DST: variants seen among roughly 807,000 people sequenced by gnomAD.
DST encodes bullous pemphigoid antigen.
Under a neutral mutation model 875.2 loss-of-function variants are expected in DST, and 253 were observed. The ratio of observed to expected loss-of-function variants is 0.29; its 90% CI spans 0.26 to 0.32. The LOEUF (loss-of-function observed/expected upper bound fraction) is 0.32, where lower values mean the gene tolerates loss of function less well. DST is among the 10% of genes least tolerant of loss of function. The pLI is 1.00. For missense variants in DST, 8,287 were observed against 9,111.6 expected, an observed-to-expected ratio of 0.91 and a Z score of 3.68; for synonymous variants, 3,124 against 3,197.1, an observed-to-expected ratio of 0.98 and a Z score of 0.77.
chr6:56,613,858 A>C (rs182109188), intron 37 of DST, among the ~76,000 whole-genome samples: 40 of 152,336 alleles, frequency 2.6e-4, no homozygotes, highest in Non-Finnish European at 4.9e-4. Context: ...GACTGTAGAC[A>C]CTTCCTTATG....
In DST at chr6:56,494,153, C is replaced by T. The variant is rs538940997; in HGVS notation, c.20251G>A (p.Glu6751Lys). 1.1e-5 allele frequency: 17 copies of T among 1,605,964 alleles called. No homozygotes were observed. In the African/African-American group the frequency reaches 1.6e-4, roughly 15 times the overall value. Residue 6751 changes from glutamate (E) to lysine (K), a missense_variant, in exon 83 of 104, where the codon GAA becomes AAA. This residue lies in a region of DST where 1,292 missense variants were observed against 1,552.7 expected (regional missense o/e 0.83). Coordinates refer to ENST00000680361, the MANE Select transcript of DST (RefSeq NM_001374736.1). ...TGCATCAGACTCTTATATGTTTCTT[C>T]TTTAGCTTCAAAGGCAGCACAGACT... ...MEVCAAFEAK[E>K]ETYKSLMQKG...
At position 56,640,448 on chromosome 6, in the gene DST, G is replaced by C; in HGVS notation, c.2185C>G (p.Leu729Val). Reference protein sequence around the residue: ...SGFAQTLHPSLTSGLTQSLTP... With the variant: ...SGFAQTLHPSVTSGLTQSLTP... The stretch of plus-strand genomic sequence containing the variant: ...AAACTCTGGGTCAGCCCTGAGGTCA[G>C]ACTAGGGTGTAAGGTCTGTGCAAAT... The change falls in exon 18 of 104, where the codon CTG becomes GTG. Residue 729 changes from leucine (L) to valine (V), a missense_variant. Physicochemically the swap from Leu to Val is conservative, Grantham distance 32 (BLOSUM62 1). Coordinates refer to ENST00000680361, the MANE Select transcript of DST (RefSeq NM_001374736.1). 2 of 1,614,210 alleles carry C rather than the reference G, an allele frequency of 1.2e-6. No homozygotes were observed. The highest frequency in any genetic ancestry group is 1.1e-5 in the South Asian group (1 of 91,090).
intron 2 of DST, among the ~76,000 whole-genome samples, chr6:56,922,990 A>G (rs1419979398): frequency 2.4e-4 from 37 of 152,190 alleles, no homozygotes; most frequent in Non-Finnish European, 2.9e-5. Flanking sequence ...ACAAAACTTG[A>G]TAAACTCAAG....
intron 4 of DST, among the ~76,000 whole-genome samples, chr6:56,832,721 TCTA>T (rs780371964): frequency 9.9e-5 from 15 of 152,152 alleles, no homozygotes; most frequent in Non-Finnish European, 1.9e-4. Context: ...CCGCTTTTTA[TCTA>T]CTAAGTATTT....
At chr6:56,857,481 T>C (rs1768527805) in intron 3 of DST, among the ~76,000 whole-genome samples, 1 of 152,190 alleles carries the variant, frequency 6.6e-6, no homozygotes, top group South Asian at 2.1e-4. Context: ...AGCAGTGGCC[T>C]GTGTAAAGAA....
rs2094254606 is a variant in DST at position 56,460,124 on chromosome 6, C to T, written c.23194+7G>A. The T allele has an allele frequency of 1.2e-6, 2 of 1,606,986 alleles. No homozygotes were observed. Among genetic ancestry groups the T allele is most frequent in the Non-Finnish European group, 1.7e-6 (2 of 1,175,048 alleles). ...AGCCATTGAAAAAAGAAAGGCACCA[C>T]ACTCACCAGCAAACTGTGTTCGGAC... is the stretch of plus-strand genomic sequence containing the variant. On this transcript the variant is annotated splice_region_variant and intron_variant, in intron 103 of 103. Coordinates refer to ENST00000680361, the MANE Select transcript of DST (RefSeq NM_001374736.1).
chr6:56,692,661 G>T (rs1362918624), intron 9 of DST: 2 of 1,289,624 alleles, frequency 1.6e-6, no homozygotes. Context: ...CGCTTGTGTT[G>T]ACATCATCTA....
chr6:56,539,437 A>T (rs928132874), intron 61 of DST, among the ~76,000 whole-genome samples: 5 of 152,204 alleles, frequency 3.3e-5, no homozygotes, highest in African/African-American at 1.2e-4. Flanking sequence ...TATTTCACAG[A>T]CTGAGAAGAG....
At chr6:56,553,977 C>T (rs2097361058) in intron 60 of DST, among the ~76,000 whole-genome samples, 1 of 150,744 alleles carries the variant, frequency 6.6e-6, no homozygotes, top group African/African-American at 2.4e-5. Context: ...CTGGTGTCTT[C>T]TCTATTCCAG....
intron 4 of DST, among the ~76,000 whole-genome samples, chr6:56,738,177 A>C (rs751292713): frequency 2.0e-5 from 3 of 152,222 alleles, no homozygotes; most frequent in Non-Finnish European, 4.4e-5. Flanking sequence ...TATACAGCCC[A>C]TCTTTTGATT....
At chr6:56,703,905 G>A (rs1277115362) in intron 6 of DST, among the ~76,000 whole-genome samples, 159 bp from the exon 7 acceptor site, 3 of 151,302 alleles carry the variant, frequency 2.0e-5, no homozygotes, top group Non-Finnish European at 4.4e-5. Flanking sequence ...TGCGGAATGG[G>A]TTAGATCATT....
At chr6:56,865,942 T>TA (rs1302480679) in intron 3 of DST, among the ~76,000 whole-genome samples, 1 of 152,116 alleles carries the variant, frequency 6.6e-6, no homozygotes, top group Non-Finnish European at 1.5e-5. Context: ...AAAGTACATA[T>TA]AGGCATTCAA....
intron 64 of DST, among the ~76,000 whole-genome samples, chr6:56,532,066 G>A (rs2096905188): frequency 6.6e-6 from 1 of 152,106 alleles, no homozygotes; most frequent in African/African-American, 2.4e-5. Flanking sequence ...CTAACTCTGT[G>A]CCTGATGCAT....
At chr6:56,468,902 C>T in intron 98 of DST, 80 bp downstream of exon 98, 2 of 1,179,926 alleles carry the variant, frequency 1.7e-6, no homozygotes, top group Non-Finnish European at 2.4e-6. Context: ...AAAGATTGGC[C>T]ATGGCAAGCT....
At chr6:56,581,554 AGGT>A (rs1326817716) in intron 49 of DST, among the ~76,000 whole-genome samples, 2 of 152,228 alleles carry the variant, frequency 1.3e-5, no homozygotes, top group African/African-American at 4.8e-5. Context: ...GAGGAAAAAA[AGGT>A]GGAAGCAGGA....
chr6:56,940,997 A>T (rs1816247791), intron 2 of DST, among the ~76,000 whole-genome samples: 1 of 152,124 alleles, frequency 6.6e-6, no homozygotes, highest in Non-Finnish European at 1.5e-5. Context: ...TTGTTCATCT[A>T]AGAGTCTAAT....
intron 10 of DST, among the ~76,000 whole-genome samples, chr6:56,668,602 T>A (rs180698645): frequency 4.6e-4 from 70 of 151,636 alleles, no homozygotes; most frequent in Admixed American, 7.9e-4. Context: ...AAAAAAATTT[T>A]AAAAAATTTA....
chr6:56,500,966 CT>C (rs2096099666), intron 80 of DST, 113 bp downstream of exon 80: 1 of 980,152 alleles, frequency 1.0e-6, no homozygotes, highest in African/African-American at 1.7e-5. Context: ...CAAATATGAA[CT>C]TGTGTCAAAA....
Position 56,487,193 on chromosome 6 carries a change from G to C in DST, c.20958C>G (p.Thr6986=). The C allele has an allele frequency of 1.2e-6, 2 of 1,613,904 alleles. No homozygotes were observed. The highest frequency in any genetic ancestry group is 1.7e-6 in the Non-Finnish European group (2 of 1,179,840). Residue 6986 remains threonine, a synonymous_variant, in exon 87 of 104, where the codon ACC becomes ACG. Transcript: ENST00000680361. ...NRTGRSLKEK[T]SLADDNLKLD... is the part of the protein sequence containing the mutation. The stretch of plus-strand genomic sequence containing the variant: ...GTTTCAGGTTGTCATCAGCCAGGGA[G>C]GTTTTCTCCTTCAGAGAACGTCCAG...
Sources: gnomAD v4.1 joint callset for allele counts (sites outside exome capture counted in the v4.1 genomes callset) on GRCh38, gnomAD v4.1.1 for gene constraint, gnomAD v4.1.1 regional missense constraint, MANE v1.5 for transcripts, NCBI Gene and HGNC (gene_info 2026-07-23, HGNC 2026-07-21) for gene names.